DCDC2C: variants seen among roughly 807,000 people sequenced by gnomAD.
The protein encoded by DCDC2C is doublecortin domain-containing protein 2C.
In DCDC2C, 44 loss-of-function variants were observed where a neutral mutation model predicts 45.0. That is an observed-to-expected ratio of 0.98 (90% confidence interval 0.77 to 1.26). The LOEUF (loss-of-function observed/expected upper bound fraction) is 1.26. Among genes scored for constraint, DCDC2C ranks in the 50% most tolerant of loss-of-function variants. DCDC2C has a pLI of 0.00. For missense variants in DCDC2C, 447 were observed against 468.9 expected (o/e 0.95, Z 0.43); for synonymous variants, 187 against 178.8 (o/e 1.05, Z -0.37).
chr2:3,806,436 C>T (rs934844704), intron 10 of DCDC2C, among the ~76,000 whole-genome samples: 3 of 152,288 alleles, frequency 2.0e-5, no homozygotes, highest in East Asian at 3.9e-4. Flanking sequence ...TGTGAGTGCC[C>T]GCGTTGTATG....
rs1024667389 is a variant in DCDC2C, at chr2:3,734,523, G to A, written c.417-7397G>A. On this transcript the variant is annotated intron_variant, in intron 3 of 10. Transcript: ENST00000399143. This position sits in a 1 kb window ranked among gnomAD's most constrained non-coding sequence, Gnocchi z 4.2. Reference sequence around the variant, plus strand: ...ATGGTGTAGTATGGTTATGTGAGGGGGAAAGCAGTAGATTTCGTAAGAGGG... The same window carrying A: ...ATGGTGTAGTATGGTTATGTGAGGGAGAAAGCAGTAGATTTCGTAAGAGGG... Among the ~76,000 whole-genome samples, 1 of 152,210 alleles carries A rather than the reference G, an allele frequency of 6.6e-6. No homozygotes were observed. Among genetic ancestry groups the A allele is most frequent in the African/African-American group, 2.4e-5 (1 of 41,446 alleles).
chr2:3,823,444 G>A (rs2148226360), intron 10 of DCDC2C, among the ~76,000 whole-genome samples: 1 of 152,246 alleles, frequency 6.6e-6, no homozygotes, highest in East Asian at 1.9e-4. Flanking sequence ...TACACATTCT[G>A]CTGTTGTTGG....
chr2:3,749,433 C>G (rs538105310), intron 4 of DCDC2C, among the ~76,000 whole-genome samples: 1 of 152,344 alleles, frequency 6.6e-6, no homozygotes, highest in East Asian at 1.9e-4. Context: ...GCTCACATTT[C>G]TATGTCTGTG....
At chr2:3,777,741 T>A (rs1670385022) in intron 8 of DCDC2C, among the ~76,000 whole-genome samples, 1 of 152,228 alleles carries the variant, frequency 6.6e-6, no homozygotes, top group Non-Finnish European at 1.5e-5. Flanking sequence ...ACTGAAGACA[T>A]ACCTACACGT....
At chr2:3,713,366 A>C (rs1411045766) in intron 2 of DCDC2C, among the ~76,000 whole-genome samples, 1 of 152,198 alleles carries the variant, frequency 6.6e-6, no homozygotes, top group Non-Finnish European at 1.5e-5. Context: ...GATGGGGCAC[A>C]GGGTTCTCCA....
chr2:3,774,592 C>G (rs1402209476), intron 8 of DCDC2C, among the ~76,000 whole-genome samples: 4 of 152,144 alleles, frequency 2.6e-5, no homozygotes, highest in Non-Finnish European at 4.4e-5. Flanking sequence ...TGAGGAGAGG[C>G]TTTCCCAGGG....
intron 8 of DCDC2C, 33 bp downstream of exon 8, chr2:3,769,444 T>C: frequency 2.6e-6 from 4 of 1,531,550 alleles, no homozygotes; most frequent in East Asian, 2.5e-5. Context: ...CCATGCCGTC[T>C]TCACTCCATT....
chr2:3,788,226 T>C (rs1033011206), intron 10 of DCDC2C, among the ~76,000 whole-genome samples: 2 of 152,266 alleles, frequency 1.3e-5, no homozygotes, highest in African/African-American at 4.8e-5. Context: ...TGAATAATTA[T>C]CCACTAACAG....
chr2:3,803,628 A>G (rs1671163793), intron 10 of DCDC2C, among the ~76,000 whole-genome samples: 1 of 152,206 alleles, frequency 6.6e-6, no homozygotes, highest in Non-Finnish European at 1.5e-5. Context: ...ATGCTGCTTC[A>G]TCTCAAGTCC....
chr2:3,826,304 A>G (rs1390997744), intron 10 of DCDC2C, among the ~76,000 whole-genome samples: 1 of 152,034 alleles, frequency 6.6e-6, no homozygotes, highest in Non-Finnish European at 1.5e-5. Context: ...ATGGCTCTTT[A>G]TTTGTTACCA....
intron 7 of DCDC2C, 93 bp downstream of exon 7, chr2:3,767,973 C>A: frequency 7.9e-7 from 1 of 1,266,678 alleles, no homozygotes; most frequent in Non-Finnish European, 1.0e-6. Flanking sequence ...TCTTATACTC[C>A]AGAAATATTG....
chr2:3,780,040 T>C (rs10208316), intron 9 of DCDC2C, among the ~76,000 whole-genome samples: 71,190 of 152,002 alleles, frequency 0.47, 17,080 homozygotes, highest in East Asian at 0.67. Flanking sequence ...CATTCTTCTT[T>C]ATATTCCTGG....
intron 3 of DCDC2C, among the ~76,000 whole-genome samples, chr2:3,727,601 T>C (rs760548954): frequency 3.9e-5 from 6 of 152,240 alleles, no homozygotes; most frequent in African/African-American, 7.2e-5. Context: ...GCCGCTGCCC[T>C]GGGATGCCGC....
At chr2:3,787,658 A>G (rs1174500116) in intron 10 of DCDC2C, among the ~76,000 whole-genome samples, 2 of 152,240 alleles carry the variant, frequency 1.3e-5, no homozygotes, top group East Asian at 1.9e-4. Context: ...ACTATAAACA[A>G]TTTATGTTGG....
intron 6 of DCDC2C, among the ~76,000 whole-genome samples, chr2:3,755,751 C>G: frequency 6.6e-6 from 1 of 151,182 alleles, no homozygotes; most frequent in Admixed American, 6.6e-5. Context: ...TGTATGGATG[C>G]ATATGTGTTG....
At chr2:3,808,326 T>G (rs1180030581) in intron 10 of DCDC2C, among the ~76,000 whole-genome samples, 2 of 152,232 alleles carry the variant, frequency 1.3e-5, no homozygotes, top group Non-Finnish European at 2.9e-5. Context: ...CCATTCACAT[T>G]TCATCTTTGG....
intron 3 of DCDC2C, among the ~76,000 whole-genome samples, chr2:3,735,553 T>A (rs1669000868): frequency 6.6e-6 from 1 of 152,142 alleles, no homozygotes; most frequent in Non-Finnish European, 1.5e-5. Context: ...TTGAGTTTCC[T>A]GGGAATTTTA....
intron 4 of DCDC2C, among the ~76,000 whole-genome samples, chr2:3,745,261 TG>T (rs1300718546): frequency 6.6e-6 from 1 of 152,192 alleles, no homozygotes; most frequent in African/African-American, 2.4e-5. Flanking sequence ...TCTGAGATTA[TG>T]GGCATGAGCC....
chr2:3,704,057 C>T lies in DCDC2C; in HGVS notation c.287+19C>T. On this transcript the variant is annotated intron_variant, in intron 1 of 10. Coordinates refer to ENST00000399143, the MANE Select transcript of DCDC2C (RefSeq NM_001287444.2). ...AGCTCGAGTAAGTGCGCCCGCGCCC[C>T]CCACGCGCCCTGCGCCCCTCCCCGC... 1.6e-6 allele frequency: 2 copies of T among 1,245,572 alleles called. No individual in the cohort carries two copies. The highest frequency in any genetic ancestry group is 6.3e-5 in the East Asian group (2 of 31,568). 77.2% of individuals were successfully genotyped at this position (1,245,572 alleles called of 1,614,324 possible).
Sources: gnomAD v4.1 joint callset for allele counts (sites outside exome capture counted in the v4.1 genomes callset) on GRCh38, gnomAD v4.1.1 for gene constraint, Gnocchi (gnomAD v3.1) non-coding constraint, MANE v1.5 for transcripts, NCBI Gene and HGNC (gene_info 2026-07-23, HGNC 2026-07-21) for gene names.